The following RPS6KA2 variants were observed in gnomAD, a reference collection of about 807,000 sequenced individuals.
RPS6KA2 encodes the protein ribosomal protein S6 kinase alpha-2.
RPS6KA2 carries 42 observed loss-of-function variants against 91.8 expected under a neutral mutation model. That is an observed-to-expected ratio of 0.46 (90% CI 0.36 to 0.59). The LOEUF is 0.59. Among genes scored for constraint, RPS6KA2 ranks in the 20% least tolerant of loss-of-function variants. RPS6KA2 has a pLI of 0.00. For missense variants in RPS6KA2, 798 were observed against 978.5 expected, an observed-to-expected ratio of 0.82 and a Z score of 2.46; for synonymous variants, 414 against 393.6, an observed-to-expected ratio of 1.05 and a Z score of -0.61.
chr6:166,626,709 C>G lies in RPS6KA2; in HGVS notation c.99+212G>C, dbSNP rs1346395528. Among the ~76,000 whole-genome samples the G allele has an allele frequency of 1.3e-5, 2 of 152,212 alleles. No individual in the cohort carries two copies. Among genetic ancestry groups the G allele is most frequent in the South Asian group, 2.1e-4 (1 of 4,834 alleles). On this transcript the variant is annotated intron_variant, in intron 1 of 20. Transcript: ENST00000265678. The surrounding 1 kb of genome is among the most constrained non-coding windows in gnomAD (Gnocchi z 4.1). Reference sequence around the variant, plus strand: ...GAAATGCAGTGGGGGTGGAGTTGCCCCCGCGAGGACCCACGGACCGCCCAA... The same window carrying G: ...GAAATGCAGTGGGGGTGGAGTTGCCGCCGCGAGGACCCACGGACCGCCCAA...
chr6:166,560,649 C>T (rs566368272), intron 1 of RPS6KA2, among the ~76,000 whole-genome samples: 26 of 151,662 alleles, frequency 1.7e-4, no homozygotes, highest in African/African-American at 5.6e-4. Context: ...GGGGTGGTCG[C>T]GAAACTCCAA....
chr6:166,473,924 C>T (rs892761736), intron 10 of RPS6KA2, among the ~76,000 whole-genome samples: 1 of 146,450 alleles, frequency 6.8e-6, no homozygotes, highest in African/African-American at 2.5e-5. Flanking sequence ...GTTATCTACA[C>T]ATTATTTGTT....
Position 166,583,771 on chromosome 6 carries a change from C to T in RPS6KA2, c.99+43150G>A, listed in dbSNP as rs3778388. ...GCTTGTTTCAGTCCAGGAGGCATCA[C>T]GCCAAAGGAAGTACTATGCCACAGG... On this transcript the variant is annotated intron_variant, in intron 1 of 20. Coordinates refer to ENST00000265678, the MANE Select transcript of RPS6KA2 (RefSeq NM_021135.6). 1.8e-4 allele frequency among the ~76,000 whole-genome samples: 28 copies of T among 152,338 alleles called. No individual in the cohort carries two copies. The East Asian group carries it at 5.4e-3, about 29-fold the overall frequency.
chr6:166,613,017 C>A (rs539125300), intron 1 of RPS6KA2, among the ~76,000 whole-genome samples: 1 of 152,202 alleles, frequency 6.6e-6, no homozygotes, highest in Non-Finnish European at 1.5e-5. Flanking sequence ...CCAGAGGACA[C>A]GGAGCTATCC....
intron 2 of RPS6KA2, among the ~76,000 whole-genome samples, chr6:166,810,898 A>C (rs1779622051): frequency 6.6e-6 from 1 of 152,240 alleles, no homozygotes; most frequent in Admixed American, 6.5e-5. Flanking sequence ...GTCTCCACAC[A>C]AGATCACAAC....
At position 166,626,524 on chromosome 6, in the gene RPS6KA2, T is replaced by TG. The variant is rs1031853175; in HGVS notation, c.99+396dup. Among the ~76,000 whole-genome samples the TG allele has an allele frequency of 1.8e-4, 28 of 152,246 alleles. No individual in the cohort carries two copies. The highest frequency in any genetic ancestry group is 8.3e-4 in the South Asian group (4 of 4,824). On this transcript the variant is annotated intron_variant, in intron 1 of 20. Transcript: ENST00000265678. The surrounding 1 kb of genome is among the most constrained non-coding windows in gnomAD (Gnocchi z 4.1). ...TGATCAGCGCCTCGGAGGGCGGAGC[T>TG]GGGGGGCTTCTCCACTCGGGACTTT...
Position 166,412,784 on chromosome 6 carries a change from C to G in RPS6KA2, c.2180G>C (p.Arg727Thr). ...SNLAQRRGMK[R>T]LTSTRL ...CCGCTACAGCCGCGTGGACGTGAGT[C>G]TCTTCATGCCTCTGCGCTGAGCCAG... Residue 727 changes from arginine to threonine, a missense_variant, in exon 21 of 21, where the codon AGA (arginine) becomes ACA (threonine). Arg to Thr is a moderately conservative substitution (Grantham distance 71). Transcript: ENST00000265678. This position sits in a 1 kb window ranked among gnomAD's most constrained non-coding sequence, Gnocchi z 4.3. 6.3e-7 allele frequency: 1 copy of G among 1,596,966 alleles called. No individual in the cohort carries two copies. Among genetic ancestry groups the G allele is most frequent in the Non-Finnish European group, 8.5e-7 (1 of 1,173,374 alleles).
chr6:166,828,429 G>C (rs1321747165), intron 2 of RPS6KA2, among the ~76,000 whole-genome samples: 2 of 152,202 alleles, frequency 1.3e-5, no homozygotes, highest in African/African-American at 4.8e-5. Context: ...TGCCGTATCT[G>C]CCCTTTCCTT....
intron 2 of RPS6KA2, among the ~76,000 whole-genome samples, chr6:166,655,472 G>A (rs1787975996): frequency 6.6e-6 from 1 of 152,232 alleles, no homozygotes; most frequent in African/African-American, 2.4e-5. Context: ...GGAACCACGT[G>A]TATCTCCAGT....
chr6:166,816,031 C>A (rs554905405), intron 2 of RPS6KA2, among the ~76,000 whole-genome samples: 2 of 152,278 alleles, frequency 1.3e-5, no homozygotes, highest in South Asian at 4.1e-4. Flanking sequence ...CCAAAAAATA[C>A]ACCCTAGTTT....
rs1181913867 is a variant in RPS6KA2 at position 166,825,284 on chromosome 6, G to A, written c.123+32916C>T. Among the ~76,000 whole-genome samples, 4 of 152,242 alleles carry A rather than the reference G, an allele frequency of 2.6e-5. No individual in the cohort carries two copies. The East Asian group carries it at 7.7e-4, about 29-fold the overall frequency. On this transcript the variant is annotated intron_variant, in intron 2 of 21. Transcript: ENST00000503859. This position sits in a 1 kb window ranked among gnomAD's most constrained non-coding sequence, Gnocchi z 4.1. Reference sequence around the variant, plus strand: ...AGGCAGGGCTGATGGTGCCGTGACTGCTGGGAATCCAGGGTACCCGTGGCT... The same window carrying A: ...AGGCAGGGCTGATGGTGCCGTGACTACTGGGAATCCAGGGTACCCGTGGCT...
chr6:166,677,562 G>A (rs1788656481), intron 2 of RPS6KA2, among the ~76,000 whole-genome samples: 1 of 152,060 alleles, frequency 6.6e-6, no homozygotes, highest in South Asian at 2.1e-4. Flanking sequence ...GGCCAGGCTG[G>A]TCTCAAATTC....
At chr6:166,748,659 CTCAGGCCCCCATCT>C (rs1791130326) in intron 2 of RPS6KA2, among the ~76,000 whole-genome samples, 1 of 92,248 alleles carries the variant, frequency 1.1e-5, no homozygotes, top group Non-Finnish European at 2.0e-5. Context: ...CCCCCACCTC[CTCAGGCCCCCATCT>C]CCTCGGTCCC....
chr6:166,624,341 C>T (rs911138567), intron 1 of RPS6KA2, among the ~76,000 whole-genome samples: 4 of 152,236 alleles, frequency 2.6e-5, no homozygotes, highest in African/African-American at 9.6e-5. Flanking sequence ...TTCATCCACA[C>T]AGAGGAAATA....
At chr6:166,862,454 G>T (rs2128635658) in exon 1 of RPS6KA2, 2 of 1,160,286 alleles carry the variant, frequency 1.7e-6, no homozygotes, top group Non-Finnish European at 2.2e-6. Flanking sequence ...GCCGCTTCCC[G>T]CTCGGGCTGG....
chr6:166,455,412 G>T (rs2128458205), intron 12 of RPS6KA2, among the ~76,000 whole-genome samples: 1 of 152,252 alleles, frequency 6.6e-6, no homozygotes, highest in East Asian at 1.9e-4. Context: ...AAGCGTCATG[G>T]ACCCGGGCTC....
rs1341756282 is a variant in RPS6KA2, at chr6:166,445,344, A to G, written c.1332+3380T>C. Reference sequence around the variant, plus strand: ...AATGAAGAAGAAAAACTCCATCCCCATCTCCAAAATATCAACCTCCTGGCC... The same window carrying G: ...AATGAAGAAGAAAAACTCCATCCCCGTCTCCAAAATATCAACCTCCTGGCC... On this transcript the variant is annotated intron_variant, in intron 14 of 20. Transcript: ENST00000265678. The surrounding 1 kb of genome is among the most constrained non-coding windows in gnomAD (Gnocchi z 4.5). Among the ~76,000 whole-genome samples the G allele has an allele frequency of 1.3e-5, 2 of 152,278 alleles. No individual in the cohort carries two copies. The highest frequency in any genetic ancestry group is 3.4e-3 in the Middle Eastern group (1 of 292).
intron 2 of RPS6KA2, among the ~76,000 whole-genome samples, chr6:166,696,125 G>C (rs1197147200): frequency 2.0e-5 from 3 of 152,164 alleles, no homozygotes; most frequent in Non-Finnish European, 4.4e-5. Flanking sequence ...GCCGTTTTAG[G>C]CTGCACAGCA....
At chr6:166,806,786 G>T (rs1169493190) in intron 2 of RPS6KA2, among the ~76,000 whole-genome samples, 1 of 147,702 alleles carries the variant, frequency 6.8e-6, no homozygotes, top group Non-Finnish European at 1.5e-5. Flanking sequence ...TTCTACAAGA[G>T]ATTACTGCAT....
Sources: allele counts gnomAD v4.1 joint callset (sites outside exome capture counted in the v4.1 genomes callset), GRCh38; gene constraint gnomAD v4.1.1; non-coding constraint Gnocchi (gnomAD v3.1); transcripts MANE v1.5; gene names NCBI Gene and HGNC (gene_info 2026-07-23, HGNC 2026-07-21).